The following SLC11A2 variants were observed in gnomAD, a reference collection of about 807,000 sequenced individuals.
SLC11A2 encodes solute carrier family 11 member 2.
Under a neutral mutation model 68.0 loss-of-function variants are expected in SLC11A2, and 38 were observed. The ratio of observed to expected loss-of-function variants is 0.56; its 90% CI spans 0.43 to 0.73. SLC11A2 has a LOEUF of 0.73. Among genes scored for constraint, SLC11A2 ranks in the 30% least tolerant of loss-of-function variants. The probability of loss-of-function intolerance (pLI) is 0.00; values close to 1 mark genes in which losing one functional copy is unlikely to be tolerated. For synonymous variants in SLC11A2, 242 were observed against 250.6 expected, an observed-to-expected ratio of 0.97 and a Z score of 0.32; for missense variants, 517 against 690.5, an observed-to-expected ratio of 0.75 and a Z score of 2.82.
Position 51,009,209 on chromosome 12 carries a change from A to T in SLC11A2, c.35-585T>A, listed in dbSNP as rs139714027. 7.7e-6 allele frequency: 11 copies of T among 1,436,204 alleles called. No individual in the cohort carries two copies. The African/African-American group carries it at 1.2e-4, about 15-fold the overall frequency. 89.0% of individuals were successfully genotyped at this position (1,436,204 alleles called of 1,614,324 possible). On this transcript the variant is annotated intron_variant, in intron 2 of 15. Transcript: ENST00000262052. ...CTGCCACAGTTCAGGCTAAACTCTG[A>T]AGCTGCAGCAAAACCACCAAGCAGG...
the SLC11A2 span, among the ~76,000 whole-genome samples, chr12:50,968,977 C>T: frequency 1.3e-5 from 2 of 152,168 alleles, no homozygotes; most frequent in African/African-American, 2.4e-5. Flanking sequence ...CCACCACGCA[C>T]CGCATTTATA....
chr12:51,018,699 T>C (rs1943835481), intron 1 of SLC11A2, among the ~76,000 whole-genome samples: 1 of 151,300 alleles, frequency 6.6e-6, no homozygotes, highest in Non-Finnish European at 1.5e-5. Context: ...GCCTGGGAGG[T>C]TGTGGCTGCA....
chr12:50,961,494 T>C, the SLC11A2 span, among the ~76,000 whole-genome samples: 1 of 149,654 alleles, frequency 6.7e-6, no homozygotes, highest in East Asian at 2.2e-4. Flanking sequence ...CAAATGTAGT[T>C]ATTAGCTTAG....
At chr12:51,022,741 A>T (rs1255535871) in intron 1 of SLC11A2, among the ~76,000 whole-genome samples, 1 of 152,150 alleles carries the variant, frequency 6.6e-6, no homozygotes, top group Non-Finnish European at 1.5e-5. Flanking sequence ...GCTCTTTGAA[A>T]CCTGGTAAAG....
At chr12:50,990,569 G>T in intron 15 of SLC11A2, 1 of 531,624 alleles carries the variant, frequency 1.9e-6, no homozygotes, top group South Asian at 2.8e-5. Flanking sequence ...GCTCTTTTGG[G>T]TCTGTTCATT....
upstream of SLC11A2, chr12:51,028,505 C>G: frequency 2.8e-6 from 1 of 363,038 alleles, no homozygotes; most frequent in Admixed American, 4.5e-5. Context: ...GATTTCATCT[C>G]TGTACCATTT....
intron 1 of SLC11A2, among the ~76,000 whole-genome samples, chr12:51,011,924 C>T (rs1175384689): frequency 1.3e-5 from 2 of 152,060 alleles, no homozygotes; most frequent in Non-Finnish European, 2.9e-5. Flanking sequence ...GTAATTTAAG[C>T]TCATGGTTCA....
downstream of SLC11A2, among the ~76,000 whole-genome samples, chr12:50,978,307 C>A (rs1166390801): frequency 6.6e-6 from 1 of 151,888 alleles, no homozygotes; most frequent in Non-Finnish European, 1.5e-5. Context: ...GAATACTATG[C>A]AGCCATAAAC....
At chr12:50,968,289 G>A in the SLC11A2 span, among the ~76,000 whole-genome samples, 1 of 152,208 alleles carries the variant, frequency 6.6e-6, no homozygotes, top group African/African-American at 2.4e-5. Context: ...ACTGGAATCT[G>A]CAAGGATGAA....
At chr12:51,013,913 C>A (rs1299075522) in intron 1 of SLC11A2, among the ~76,000 whole-genome samples, 1 of 152,018 alleles carries the variant, frequency 6.6e-6, no homozygotes, top group Non-Finnish European at 1.5e-5. Context: ...CCTCCGCCTC[C>A]CGGGTTCAAG....
chr12:50,970,911 C>G, the SLC11A2 span, among the ~76,000 whole-genome samples: 2 of 151,912 alleles, frequency 1.3e-5, no homozygotes, highest in African/African-American at 2.4e-5. Context: ...TGGAGTCTTA[C>G]TCTGTTGCCC....
the SLC11A2 span, among the ~76,000 whole-genome samples, chr12:50,957,646 A>G: frequency 6.6e-6 from 1 of 151,852 alleles, no homozygotes; most frequent in Non-Finnish European, 1.5e-5. Flanking sequence ...GCACTTTGGG[A>G]GGCCGAGGTG....
intron 1 of SLC11A2, chr12:51,025,892 C>A: frequency 1.0e-6 from 1 of 989,142 alleles, no homozygotes; most frequent in African/African-American, 1.7e-5. Flanking sequence ...GCAGCCCGGC[C>A]CCCTGCGGCG....
At chr12:51,028,542 C>A, upstream of SLC11A2, 1 of 300,686 alleles carries the variant, frequency 3.3e-6, no homozygotes, top group Non-Finnish European at 6.0e-6. Context: ...GGTGGCAAGC[C>A]TGTGAGTGCC....
chr12:50,962,712 A>C, the SLC11A2 span, among the ~76,000 whole-genome samples: 1 of 152,086 alleles, frequency 6.6e-6, no homozygotes, highest in African/African-American at 2.4e-5. Flanking sequence ...AAGAAAAAAA[A>C]ATTTTTTTGC....
Position 51,004,789 on chromosome 12 carries a change from T to C in SLC11A2, c.428A>G (p.Lys143Arg), listed in dbSNP as rs1942578949. 6.2e-7 allele frequency: 1 copy of C among 1,613,824 alleles called. No individual in the cohort carries two copies. Among genetic ancestry groups the C allele is most frequent in the Non-Finnish European group, 8.5e-7 (1 of 1,179,852 alleles). The change falls in exon 5 of 16, where the codon AAG (lysine) becomes AGG (arginine). Residue 143 changes from lysine (K) to arginine (R), a missense_variant and splice_region_variant. Coordinates refer to ENST00000262052, the MANE Select transcript of SLC11A2 (RefSeq NM_000617.3). ...CAAACAGGACAATACATTGCTCACC[T>C]TGGGATACTGACGGTGACATACTTC... ...LAEVCHRQYPKVPRVILWLMV... is the reference protein window; with the variant it reads ...LAEVCHRQYPRVPRVILWLMV...
At chr12:50,973,537 G>GA in the SLC11A2 span, among the ~76,000 whole-genome samples, 2 of 152,064 alleles carry the variant, frequency 1.3e-5, no homozygotes, top group African/African-American at 2.4e-5. Flanking sequence ...ACAAAGAGGG[G>GA]AAAAAACAGA....
chr12:50,970,627 GTA>G, the SLC11A2 span: 1 of 630,544 alleles, frequency 1.6e-6, no homozygotes, highest in Non-Finnish European at 2.8e-6. Context: ...CATAGCCTTT[GTA>G]TTTCAAGTCT....
chr12:51,013,725 C>T (rs1033584976), intron 1 of SLC11A2, among the ~76,000 whole-genome samples: 8 of 151,718 alleles, frequency 5.3e-5, no homozygotes, highest in African/African-American at 1.5e-4. Context: ...GGTGACACAG[C>T]GAGGCCTTGT....
Sources: gnomAD v4.1 joint callset for allele counts (sites outside exome capture counted in the v4.1 genomes callset) on GRCh38, gnomAD v4.1.1 for gene constraint, MANE v1.5 for transcripts, NCBI Gene and HGNC (gene_info 2026-07-23, HGNC 2026-07-21) for gene names.